The following CPXM2 variants were observed in gnomAD, a reference collection of about 807,000 sequenced individuals.
CPXM2 encodes carboxypeptidase X, M14 family member 2.
CPXM2 carries 66 observed loss-of-function variants against 86.1 expected under a neutral mutation model. The observed-to-expected ratio is 0.77, with a 90% confidence interval of 0.63 to 0.94. CPXM2 has a LOEUF of 0.94. CPXM2 is among the 40% of genes least tolerant of loss of function. The pLI, the probability that CPXM2 is intolerant of heterozygous loss-of-function variation, is 0.00. For missense variants in CPXM2, 948 were observed against 1,026.3 expected (o/e 0.92, Z 1.04); for synonymous variants, 388 against 400.2 (o/e 0.97, Z 0.36).
chr10:123,848,301 T>G (rs977085891), intron 3 of CPXM2, among the ~76,000 whole-genome samples: 1 of 152,234 alleles, frequency 6.6e-6, no homozygotes, highest in Admixed American at 6.5e-5. Flanking sequence ...TGCAATCTGC[T>G]GATCCTTCTG....
intron 3 of CPXM2, 67 bp downstream of exon 3, chr10:123,862,547 T>A (rs1848874254): frequency 7.1e-7 from 1 of 1,402,776 alleles, no homozygotes; most frequent in South Asian, 1.2e-5. Flanking sequence ...CATTGCCTGA[T>A]CCAAGCTCAA....
intron 3 of CPXM2, among the ~76,000 whole-genome samples, chr10:123,851,524 C>T (rs905498946): frequency 5.3e-5 from 8 of 152,148 alleles, no homozygotes; most frequent in Admixed American, 3.3e-4. Flanking sequence ...AATCCCAGCA[C>T]TTTGGGAGGC....
chr10:123,918,177 A>G (rs750212997), intron 2 of CPXM2, among the ~76,000 whole-genome samples: 3 of 152,246 alleles, frequency 2.0e-5, no homozygotes, highest in Non-Finnish European at 2.9e-5. Context: ...AATAATTATT[A>G]ATATGGAAAC....
At chr10:123,785,878 C>A (rs1847042935) in intron 6 of CPXM2, among the ~76,000 whole-genome samples, 1 of 152,100 alleles carries the variant, frequency 6.6e-6, no homozygotes, top group Non-Finnish European at 1.5e-5. Context: ...TGTGATCTGC[C>A]CGCCTCAGCC....
chr10:123,915,350 G>T (rs963636720), intron 2 of CPXM2, among the ~76,000 whole-genome samples: 7 of 152,132 alleles, frequency 4.6e-5, no homozygotes, highest in Non-Finnish European at 1.0e-4. Context: ...TTGAGGCCAG[G>T]AGTTCGAGAC....
chr10:123,876,805 ACTGTGTG>A (rs1279839119), intron 2 of CPXM2, among the ~76,000 whole-genome samples: 2 of 152,234 alleles, frequency 1.3e-5, no homozygotes, highest in Non-Finnish European at 2.9e-5. Context: ...CTGAGAGCTT[ACTGTGTG>A]CTGTGTGCTA....
intron 2 of CPXM2, among the ~76,000 whole-genome samples, chr10:123,922,145 T>A (rs1945583989): frequency 6.6e-6 from 1 of 152,192 alleles, no homozygotes; most frequent in Non-Finnish European, 1.5e-5. Flanking sequence ...ACCCCGTAGA[T>A]ACCAGGAGCA....
At chr10:123,760,111 C>G (rs1846299813) in intron 11 of CPXM2, among the ~76,000 whole-genome samples, 2 of 152,182 alleles carry the variant, frequency 1.3e-5, no homozygotes, top group African/African-American at 4.8e-5. Flanking sequence ...CGTGAAGTCC[C>G]AGAAATAATG....
chr10:123,879,263 G>A (rs1267057912), intron 2 of CPXM2, among the ~76,000 whole-genome samples: 1 of 152,150 alleles, frequency 6.6e-6, no homozygotes, highest in Non-Finnish European at 1.5e-5. Flanking sequence ...AATCAACTCT[G>A]GAACACTGTT....
At chr10:123,799,601 G>A (rs1847409331) in intron 4 of CPXM2, among the ~76,000 whole-genome samples, 1 of 152,204 alleles carries the variant, frequency 6.6e-6, no homozygotes, top group Admixed American at 6.5e-5. Flanking sequence ...TCTGGGTAAA[G>A]GTTGCAAACC....
At chr10:123,895,692 G>A (rs530052105), upstream of CPXM2, among the ~76,000 whole-genome samples, 9 of 152,288 alleles carry the variant, frequency 5.9e-5, 1 homozygote, top group South Asian at 1.7e-3. Context: ...GTCTCTCCGC[G>A]TAGTGTAAGT....
At chr10:123,835,119 G>C (rs1049038118) in intron 4 of CPXM2, among the ~76,000 whole-genome samples, 1 of 152,168 alleles carries the variant, frequency 6.6e-6, no homozygotes, top group African/African-American at 2.4e-5. Flanking sequence ...ACTAAGACAT[G>C]GGTCAAGGGG....
intron 4 of CPXM2, among the ~76,000 whole-genome samples, chr10:123,838,548 G>A (rs754828804): frequency 4.6e-5 from 7 of 152,136 alleles, no homozygotes; most frequent in Non-Finnish European, 8.8e-5. Flanking sequence ...CTAATCAAGT[G>A]TTTCTGTATT....
rs567259149 is a variant in CPXM2, at chr10:123,783,699, C to T, written c.890-3444G>A. On this transcript the variant is annotated intron_variant, in intron 6 of 13. Coordinates refer to ENST00000241305, the MANE Select transcript of CPXM2 (RefSeq NM_198148.3). ...AAGTCAGACCTGCCCCTGGAATTTT[C>T]GCTTATGTGAGCCCTAATTTCTTTA... Among the ~76,000 whole-genome samples the T allele has an allele frequency of 8.5e-5, 13 of 152,274 alleles. No individual in the cohort carries two copies. The East Asian group carries it at 1.4e-3, about 16-fold the overall frequency.
intron 4 of CPXM2, among the ~76,000 whole-genome samples, chr10:123,825,353 G>A (rs1848024131): frequency 6.6e-6 from 1 of 152,210 alleles, no homozygotes; most frequent in African/African-American, 2.4e-5. Context: ...GTATCAGACA[G>A]CAAATGGAAG....
chr10:123,877,825 C>A (rs1211194109), intron 2 of CPXM2, among the ~76,000 whole-genome samples: 1 of 152,188 alleles, frequency 6.6e-6, no homozygotes, highest in Non-Finnish European at 1.5e-5. Context: ...ATCACAGTGA[C>A]AGCCATGTAC....
chr10:123,878,296 CTTT>C (rs72163200), intron 2 of CPXM2, among the ~76,000 whole-genome samples: 29,636 of 122,820 alleles, frequency 0.24, 3,749 homozygotes, highest in Non-Finnish European at 0.26. Flanking sequence ...TTTTTTCTCT[CTTT>C]TTTTTTTTTT....
intron 2 of CPXM2, chr10:123,913,835 G>T (rs1430371745): frequency 1.1e-5 from 4 of 357,334 alleles, no homozygotes; most frequent in South Asian, 2.1e-5. Flanking sequence ...TGTTTAACCG[G>T]ATCTGTGGCA....
At chr10:123,751,935 G>C in intron 13 of CPXM2, 2 of 985,262 alleles carry the variant, frequency 2.0e-6, no homozygotes, top group South Asian at 9.4e-5. Context: ...GCAGGGGCTT[G>C]AAACTCAGCA....
Sources: gnomAD v4.1 joint callset for allele counts (sites outside exome capture counted in the v4.1 genomes callset) on GRCh38, gnomAD v4.1.1 for gene constraint, MANE v1.5 for transcripts, NCBI Gene and HGNC (gene_info 2026-07-23, HGNC 2026-07-21) for gene names.